Variants in SHANK2 observed in about 807,000 individuals in gnomAD.
SHANK2 encodes SH3 and multiple ankyrin repeat domains 2.
In SHANK2, 43 loss-of-function variants were observed where a neutral mutation model predicts 133.7. The observed-to-expected ratio is 0.32, with a 90% confidence interval of 0.25 to 0.41. SHANK2 has a LOEUF of 0.41. Among genes scored for constraint, SHANK2 ranks in the 10% least tolerant of loss-of-function variants. SHANK2 has a pLI of 1.00. For missense variants in SHANK2, 1,994 were observed against 2,235.8 expected, an observed-to-expected ratio of 0.89 and a Z score of 2.18; for synonymous variants, 1,017 against 952.8, an observed-to-expected ratio of 1.07 and a Z score of -1.24.
chr11:71,094,589 C>T lies in SHANK2; in HGVS notation c.692G>A (p.Gly231Glu), dbSNP rs1555094963. The change falls in exon 7 of 26, where the codon GGG (glycine) becomes GAG (glutamate). Residue 231 changes from glycine (G) to glutamate (E), a missense_variant. Gly to Glu is a moderately conservative substitution (Grantham distance 98, BLOSUM62 -2). Coordinates refer to ENST00000601538, the MANE Select transcript of SHANK2 (RefSeq NM_012309.5). ...GGCAGCTTTGTGTAGGGCGGTCATC[C>T]CATCTTTGGCACGGAAGTCCAGGTG... ...GAHLDFRAKD[G>E]MTALHKAARA... 2 of 1,551,606 alleles carry T rather than the reference C, an allele frequency of 1.3e-6. No homozygotes were observed. Among genetic ancestry groups the T allele is most frequent in the Admixed American group, 3.9e-5 (2 of 50,986 alleles).
At position 70,816,797 on chromosome 11, in the gene SHANK2, A is replaced by C. The variant is rs535193694; in HGVS notation, c.1493+3567T>G. On this transcript the variant is annotated intron_variant, in intron 12 of 25. Transcript: ENST00000601538. ...CTATCTCAATAAAGGCCACTTCCAC[A>C]ATGGGGCCTCGGTCCACAGCCAGGA... 1.9e-4 allele frequency among the ~76,000 whole-genome samples: 29 copies of C among 152,244 alleles called. No individual in the cohort carries two copies. The South Asian group carries it at 4.2e-3, about 22-fold the overall frequency.
intron 11 of SHANK2, among the ~76,000 whole-genome samples, chr11:70,829,743 A>G (rs946335619): frequency 6.6e-6 from 1 of 152,100 alleles, no homozygotes; most frequent in African/African-American, 2.4e-5. Context: ...TCCCGCCCAC[A>G]CTCGGAGGAG....
intron 17 of SHANK2, 40 bp downstream of exon 17, chr11:70,659,788 C>T (rs906424468): frequency 6.2e-7 from 1 of 1,613,806 alleles, no homozygotes; most frequent in Middle Eastern, 1.6e-4. Flanking sequence ...AGAGTCGGCG[C>T]TCTCCCCAAG....
chr11:70,473,596 G>T lies in SHANK2; in HGVS notation c.4980-157C>A. 1 of 758,950 alleles carries T rather than the reference G, an allele frequency of 1.3e-6. No homozygotes were observed. The allele number at this position is 758,950 out of a possible 1,614,324, so 47.0% of individuals were successfully genotyped here. A position where few individuals can be genotyped will look rare whatever the true frequency, so the allele number is the denominator to read the frequency against. On this transcript the variant is annotated intron_variant, in intron 25 of 25. Transcript: ENST00000601538. The surrounding 1 kb of genome is among the most constrained non-coding windows in gnomAD (Gnocchi z 5.9). ...GTGAACGAATGATTTGCCATGCCAG[G>T]GTGGGGGAGGGGGAGAAAGGGGCCA...
rs531794545 is a variant in SHANK2, at chr11:70,624,264, A to T, written c.2061+35564T>A. 1.5e-4 allele frequency among the ~76,000 whole-genome samples: 23 copies of T among 152,150 alleles called. No individual in the cohort carries two copies. In the South Asian group the frequency reaches 2.5e-3, roughly 16 times the overall value. On this transcript the variant is annotated intron_variant, in intron 17 of 25. Transcript: ENST00000601538. The stretch of plus-strand genomic sequence containing the variant: ...CTGTCACCTGCATGGTCTTATTCCC[A>T]GGCTTGCATCCTACCCCTCTCCCCC...
Position 70,691,235 on chromosome 11 carries a change from G to A in SHANK2, c.1853+7453C>T, listed in dbSNP as rs76696922. Among the ~76,000 whole-genome samples the A allele has an allele frequency of 3.5e-3, 538 of 152,194 alleles. 3 individuals carry two copies. Among genetic ancestry groups the A allele is most frequent in the African/African-American group, 0.012 (511 of 41,530 alleles). On this transcript the variant is annotated intron_variant, in intron 15 of 25. Transcript: ENST00000601538. ...AGAGAACATGGACAAGAGCCAAGGG[G>A]CCAGCCCAGGGAAACAGCAGGAGGA...
At chr11:71,131,448 T>A (rs1364971582) in intron 3 of SHANK2, among the ~76,000 whole-genome samples, 1 of 152,200 alleles carries the variant, frequency 6.6e-6, no homozygotes, top group Non-Finnish European at 1.5e-5. Context: ...GTTTTTCCAA[T>A]CAGAACATTT....
intron 14 of SHANK2, among the ~76,000 whole-genome samples, chr11:70,789,495 C>T (rs1349854143): frequency 4.6e-5 from 7 of 152,160 alleles, no homozygotes; most frequent in African/African-American, 1.4e-4. Flanking sequence ...TCTACCCAGT[C>T]GAGACCCCTG....
At chr11:71,210,540 A>G (rs1555118761) in intron 2 of SHANK2, among the ~76,000 whole-genome samples, 1 of 151,812 alleles carries the variant, frequency 6.6e-6, no homozygotes, top group Non-Finnish European at 1.5e-5. Flanking sequence ...GTGAGCCACC[A>G]TGCCCAGCCC....
chr11:71,175,620 G>A lies in SHANK2; in HGVS notation c.-12-28282C>T, dbSNP rs560065126. The stretch of plus-strand genomic sequence containing the variant: ...AGAGAGAGACAGAGACAGAGACATC[G>A]CTTCCAGCCAAGATGGAGGAAGGGA... On this transcript the variant is annotated intron_variant, in intron 2 of 25. Coordinates refer to ENST00000601538, the MANE Select transcript of SHANK2 (RefSeq NM_012309.5). The surrounding 1 kb of genome is among the most constrained non-coding windows in gnomAD (Gnocchi z 4.2). 4.7e-4 allele frequency among the ~76,000 whole-genome samples: 70 copies of A among 148,256 alleles called. No homozygotes were observed. Among genetic ancestry groups the A allele is most frequent in the African/African-American group, 1.6e-3 (66 of 40,060 alleles).
intron 9 of SHANK2, among the ~76,000 whole-genome samples, chr11:71,069,486 A>G (rs1951115155): frequency 1.3e-5 from 2 of 152,198 alleles, no homozygotes; most frequent in Non-Finnish European, 2.9e-5. Flanking sequence ...CATCAGCAAC[A>G]GTATCATCAC....
intron 14 of SHANK2, among the ~76,000 whole-genome samples, chr11:70,745,187 C>T (rs1029953111): frequency 6.6e-6 from 1 of 152,232 alleles, no homozygotes; most frequent in Admixed American, 6.5e-5. Flanking sequence ...CTTAGAAGGC[C>T]CCAGTGCTAG....
At chr11:70,660,949 CT>C (rs2134269804) in intron 16 of SHANK2, among the ~76,000 whole-genome samples, 1 of 152,354 alleles carries the variant, frequency 6.6e-6, no homozygotes, top group Non-Finnish European at 1.5e-5. Context: ...ATTTTGTTTT[CT>C]TTTGGAGGGG....
intron 17 of SHANK2, among the ~76,000 whole-genome samples, chr11:70,585,530 G>A (rs1554986509): frequency 6.6e-6 from 1 of 152,134 alleles, no homozygotes; most frequent in Non-Finnish European, 1.5e-5. Flanking sequence ...TCCTAATAAG[G>A]ACAGGCTTGC....
intron 6 of SHANK2, among the ~76,000 whole-genome samples, chr11:71,105,605 A>AAAG (rs1951790414): frequency 1.3e-5 from 2 of 151,250 alleles, no homozygotes; most frequent in Non-Finnish European, 3.0e-5. Flanking sequence ...AAAAAAAAAA[A>AAAG]AAAAAAAAAG....
At chr11:70,674,278 G>A (rs1405377163) in intron 15 of SHANK2, among the ~76,000 whole-genome samples, 1 of 152,172 alleles carries the variant, frequency 6.6e-6, no homozygotes, top group East Asian at 1.9e-4. Flanking sequence ...AATTACCCAG[G>A]CTCAGGCATC....
In SHANK2 at chr11:70,935,075, G is replaced by A. The variant is rs990245400; in HGVS notation, c.1108-38508C>T. Among the ~76,000 whole-genome samples, 3 of 152,062 alleles carry A rather than the reference G, an allele frequency of 2.0e-5. No homozygotes were observed. The East Asian group carries it at 5.8e-4, about 29-fold the overall frequency. On this transcript the variant is annotated intron_variant, in intron 10 of 25. Coordinates refer to ENST00000601538, the MANE Select transcript of SHANK2 (RefSeq NM_012309.5). The stretch of plus-strand genomic sequence containing the variant: ...AGTTACCTGCAGTCCAATGCAATCC[G>A]AAAATATGAAACAAAAAAAAATTCC...
chr11:70,511,891 G>A (rs1554969340), intron 17 of SHANK2, among the ~76,000 whole-genome samples: 1 of 152,136 alleles, frequency 6.6e-6, no homozygotes, highest in Non-Finnish European at 1.5e-5. Flanking sequence ...ATCAAAAGTT[G>A]TACATACACA....
At chr11:71,152,748 C>T (rs1452027407) in intron 2 of SHANK2, among the ~76,000 whole-genome samples, 33 of 152,264 alleles carry the variant, frequency 2.2e-4, no homozygotes, top group African/African-American at 7.5e-4. Flanking sequence ...TCACACCTCC[C>T]GGGCTCTTTC....
Sources: allele counts gnomAD v4.1 joint callset (sites outside exome capture counted in the v4.1 genomes callset), GRCh38; gene constraint gnomAD v4.1.1; non-coding constraint Gnocchi (gnomAD v3.1); transcripts MANE v1.5; gene names NCBI Gene and HGNC (gene_info 2026-07-23, HGNC 2026-07-21).